Variants in KIR3DL2 observed in about 807,000 individuals in gnomAD.
The protein encoded by KIR3DL2 is killer cell immunoglobulin-like receptor 3DL2.
In KIR3DL2, 42 loss-of-function variants were observed where a neutral mutation model predicts 41.6. The observed-to-expected ratio is 1.01, with a 90% CI of 0.79 to 1.31. The LOEUF (loss-of-function observed/expected upper bound fraction) is 1.31. KIR3DL2 is among the 50% of genes most tolerant of loss of function. KIR3DL2 has a pLI of 0.00. For synonymous variants in KIR3DL2, 230 were observed against 221.3 expected (o/e 1.04, Z -0.35); for missense variants, 728 against 576.8 (o/e 1.26, Z -2.68).
At chr19:54,863,527 G>A (rs574791976) in intron 6 of KIR3DL2, among the ~76,000 whole-genome samples, 17 of 152,132 alleles carry the variant, frequency 1.1e-4, no homozygotes, top group Middle Eastern at 3.4e-3. Flanking sequence ...GTTGTTTCCC[G>A]ACTTTTTAAT....
intron 4 of KIR3DL2, among the ~76,000 whole-genome samples, chr19:54,854,955 T>G (rs605746): frequency 6.6e-6 from 1 of 151,324 alleles, no homozygotes; most frequent in African/African-American, 2.4e-5. Flanking sequence ...GATGGATAGA[T>G]AGATATAGAT....
intron 6 of KIR3DL2, among the ~76,000 whole-genome samples, chr19:54,859,562 G>C (rs1282529799): frequency 6.6e-6 from 1 of 151,556 alleles, no homozygotes; most frequent in Non-Finnish European, 1.5e-5. Context: ...AGCAGAGCAA[G>C]AGCCTTGCCG....
intron 5 of KIR3DL2, among the ~76,000 whole-genome samples, chr19:54,858,513 A>G (rs530036790): frequency 0.034 from 5,113 of 149,034 alleles, 341 homozygotes; most frequent in African/African-American, 0.12. Context: ...TGGATCACCT[A>G]AAGCCAGGAG....
At chr19:54,858,873 A>G (rs1314742297) in intron 5 of KIR3DL2, among the ~76,000 whole-genome samples, 2 of 151,994 alleles carry the variant, frequency 1.3e-5, no homozygotes, top group African/African-American at 2.4e-5. Flanking sequence ...TAAGTCAGGT[A>G]GTGTGATGCT....
intron 1 of KIR3DL2, 46 bp downstream of exon 1, chr19:54,850,555 T>C: frequency 6.2e-7 from 1 of 1,604,042 alleles, no homozygotes; most frequent in Non-Finnish European, 8.5e-7. Flanking sequence ...GGGATGGAGA[T>C]CTCGGCCTAG....
rs1398593191 is a variant in KIR3DL2, at chr19:54,855,775, A to G, written c.812A>G (p.Lys271Arg). Reference protein sequence around the residue: ...AHERRLRAVPKVNRTFQADFP... With the variant: ...AHERRLRAVPRVNRTFQADFP... ...GAACGTAGGCTCCGTGCAGTGCCCAAGGTCAACAGAACATTCCAGGCAGAC... is the reference window on the plus strand; with the variant it reads ...GAACGTAGGCTCCGTGCAGTGCCCAGGGTCAACAGAACATTCCAGGCAGAC... The change falls in exon 5 of 9, where the codon AAG becomes AGG. Residue 271 changes from lysine to arginine, a missense_variant. Physicochemically the swap from Lys to Arg is conservative, Grantham distance 26 (BLOSUM62 2). Coordinates refer to ENST00000326321, the MANE Select transcript of KIR3DL2 (RefSeq NM_006737.4). 8.1e-6 allele frequency: 13 copies of G among 1,613,140 alleles called. No homozygotes were observed. The highest frequency in any genetic ancestry group is 1.0e-5 in the Non-Finnish European group (12 of 1,179,894).
intron 4 of KIR3DL2, 63 bp from the exon 5 acceptor site, chr19:54,855,556 A>G: frequency 6.3e-7 from 1 of 1,577,928 alleles, no homozygotes; most frequent in Non-Finnish European, 8.6e-7. Context: ...TTCTCAGCTC[A>G]GGTATGAGGG....
At position 54,851,406 on chromosome 19, in the gene KIR3DL2, G is replaced by C. The variant is rs2064223863; in HGVS notation, c.70+151G>C. On this transcript the variant is annotated intron_variant, in intron 2 of 8. Transcript: ENST00000326321. ...CACATTTCTGACCTCGCCCTCCCTG[G>C]CCTTTCTTTCCCTTTCCTGAGTCAA... The C allele has an allele frequency of 1.6e-5, 12 of 758,866 alleles. No homozygotes were observed. The Admixed American group carries it at 2.8e-4, about 18-fold the overall frequency. 47.0% of individuals were successfully genotyped at this position (758,866 alleles called of 1,614,324 possible).
In KIR3DL2 at chr19:54,866,509, T is replaced by A; in HGVS notation, c.1159-13T>A. ...TGAGCACCCTCCCTCACTCAGCATT[T>A]CCCTCTCTCCAGGACTCTGATGAAC... is the stretch of plus-strand genomic sequence containing the variant. On this transcript the variant is annotated splice_polypyrimidine_tract_variant and intron_variant, in intron 8 of 8. Transcript: ENST00000326321. 6.2e-7 allele frequency: 1 copy of A among 1,613,914 alleles called. No individual in the cohort carries two copies.
chr19:54,853,894 T>A lies in KIR3DL2; in HGVS notation c.503T>A (p.Val168Asp), dbSNP rs753649744. ...ATCTCTGAGGACCCCTCACGCCTCGTTGGACAGATCCATGATGGGGTCTCC... is the reference window on the plus strand; with the variant it reads ...ATCTCTGAGGACCCCTCACGCCTCGATGGACAGATCCATGATGGGGTCTCC... ...EGISEDPSRL[V>D]GQIHDGVSKA... The change falls in exon 4 of 9, where the codon GTT becomes GAT. Residue 168 changes from valine to aspartate, a missense_variant. Val to Asp is a radical substitution (Grantham distance 152, BLOSUM62 -3). Coordinates refer to ENST00000326321, the MANE Select transcript of KIR3DL2 (RefSeq NM_006737.4). 145 of 1,613,366 alleles carry A rather than the reference T, an allele frequency of 9.0e-5. No homozygotes were observed. The South Asian group carries it at 1.2e-3, about 13-fold the overall frequency.
At position 54,853,832 on chromosome 19, in the gene KIR3DL2, T is replaced by C. The variant is rs1309375301; in HGVS notation, c.441T>C (p.Asp147=). ...CAGTCATCCTGCAATGTTGGTCAGA[T>C]GTCATGTTTGAGCACTTCTTTCTGC... is the stretch of plus-strand genomic sequence containing the variant. The part of the protein sequence containing the change: ...GETVILQCWS[D]VMFEHFFLHR... Residue 147 remains aspartate, a synonymous_variant, in exon 4 of 9, where the codon GAT becomes GAC. Coordinates refer to ENST00000326321, the MANE Select transcript of KIR3DL2 (RefSeq NM_006737.4). 2 of 1,613,090 alleles carry C rather than the reference T, an allele frequency of 1.2e-6. No homozygotes were observed. The highest frequency in any genetic ancestry group is 1.1e-5 in the South Asian group (1 of 91,082).
chr19:54,859,225 T>A, intron 6 of KIR3DL2, 96 bp downstream of exon 6: 1 of 1,111,670 alleles, frequency 9.0e-7, no homozygotes, highest in Non-Finnish European at 1.4e-6. Flanking sequence ...GCTCTGTGAA[T>A]GAGGGCCTGT....
chr19:54,864,807 G>A (rs529100406), intron 6 of KIR3DL2, among the ~76,000 whole-genome samples: 2 of 151,690 alleles, frequency 1.3e-5, no homozygotes, highest in African/African-American at 4.8e-5. Context: ...CTGCAAACAG[G>A]GACAATTTGA....
intron 5 of KIR3DL2, among the ~76,000 whole-genome samples, chr19:54,858,386 A>T (rs1286322775): frequency 1.3e-5 from 2 of 150,058 alleles, no homozygotes; most frequent in East Asian, 3.9e-4. Context: ...CACACCATTT[A>T]TTGAAGACTG....
chr19:54,852,057 C>T lies in KIR3DL2; in HGVS notation c.130C>T (p.His44Tyr), dbSNP rs910009209. The T allele has an allele frequency of 1.6e-5, 25 of 1,612,370 alleles. No individual in the cohort carries two copies. Among genetic ancestry groups the T allele is most frequent in the Non-Finnish European group, 2.1e-5 (25 of 1,179,254 alleles). Residue 44 changes from histidine to tyrosine, a missense_variant, in exon 3 of 9, where the codon CAC becomes TAC. By Grantham distance (83) the His-to-Tyr change is moderately conservative. Coordinates refer to ENST00000326321, the MANE Select transcript of KIR3DL2 (RefSeq NM_006737.4). ...RPSTVVPRGG[H>Y]VALQCHYRRG... ...CAGCACTGTGGTGCCTCGAGGAGGA[C>T]ACGTGGCTCTTCAGTGTCACTATCG... is the stretch of plus-strand genomic sequence containing the variant.
At chr19:54,853,455 C>A (rs1344585492) in intron 3 of KIR3DL2, among the ~76,000 whole-genome samples, 2 of 151,786 alleles carry the variant, frequency 1.3e-5, no homozygotes, top group Non-Finnish European at 2.9e-5. Context: ...CTTCCACCCC[C>A]ACATAGACAG....
chr19:54,860,236 G>A (rs1227216689), intron 6 of KIR3DL2, among the ~76,000 whole-genome samples: 3 of 152,106 alleles, frequency 2.0e-5, no homozygotes, highest in Non-Finnish European at 4.4e-5. Context: ...TGAACAAGAT[G>A]CATTTGGCCT....
chr19:54,854,503 C>A (rs1253310234), intron 4 of KIR3DL2, among the ~76,000 whole-genome samples: 2 of 151,760 alleles, frequency 1.3e-5, no homozygotes, highest in Non-Finnish European at 2.9e-5. Flanking sequence ...TATTCTGACA[C>A]CTCTGCCTTC....
At chr19:54,853,603 G>A in intron 3 of KIR3DL2, 144 bp from the exon 4 acceptor site, 3 of 908,926 alleles carry the variant, frequency 3.3e-6, no homozygotes, top group Non-Finnish European at 5.0e-6. Flanking sequence ...CCTGCACCAG[G>A]GGATATGGGC....
Sources: allele counts gnomAD v4.1 joint callset (sites outside exome capture counted in the v4.1 genomes callset), GRCh38; gene constraint gnomAD v4.1.1; transcripts MANE v1.5; gene names NCBI Gene and HGNC (gene_info 2026-07-23, HGNC 2026-07-21).